The following SAMD5 variants were observed in gnomAD, a reference collection of about 807,000 sequenced individuals.
SAMD5 encodes sterile alpha motif domain-containing protein 5.
In SAMD5, 13 loss-of-function variants were observed where a neutral mutation model predicts 11.3. That is an observed-to-expected ratio of 1.15 (90% CI 0.75 to 1.83). The LOEUF is 1.83. Ranked by LOEUF, SAMD5 falls within the 40% of genes most tolerant of loss-of-function variation. The pLI is 0.00. For synonymous variants in SAMD5, 129 were observed against 111.3 expected, an observed-to-expected ratio of 1.16 and a Z score of -1.00; for missense variants, 255 against 239.1, an observed-to-expected ratio of 1.07 and a Z score of -0.44.
chr6:147,662,591 G>A (rs1317121318), intron 1 of SAMD5, among the ~76,000 whole-genome samples: 2 of 152,190 alleles, frequency 1.3e-5, no homozygotes, highest in Admixed American at 6.5e-5. Context: ...TGGAAATATC[G>A]ATAGCCTTCA....
chr6:147,557,127 G>T (rs1788869717), intron 1 of SAMD5, among the ~76,000 whole-genome samples: 2 of 152,100 alleles, frequency 1.3e-5, no homozygotes, highest in Middle Eastern at 3.4e-3. Context: ...TTTAAAGTTT[G>T]CATCATTTAT....
the SAMD5 span, among the ~76,000 whole-genome samples, chr6:147,912,206 A>G: frequency 1.1e-4 from 16 of 152,188 alleles, no homozygotes; most frequent in Non-Finnish European, 1.3e-4. Flanking sequence ...ACAAGAAACT[A>G]AAAACTTCTT....
the SAMD5 span, among the ~76,000 whole-genome samples, chr6:147,879,455 C>T: frequency 6.6e-6 from 1 of 152,154 alleles, no homozygotes; most frequent in Non-Finnish European, 1.5e-5. Flanking sequence ...CTGGACCTGC[C>T]AGGCTGCATT....
the SAMD5 span, among the ~76,000 whole-genome samples, chr6:147,776,898 A>G: frequency 1.3e-5 from 2 of 152,186 alleles, no homozygotes; most frequent in African/African-American, 4.8e-5. Context: ...GCTTAAGTAA[A>G]CAATAAATAA....
chr6:147,919,171 A>G, the SAMD5 span, among the ~76,000 whole-genome samples: 883 of 152,228 alleles, frequency 5.8e-3, 13 homozygotes, highest in South Asian at 0.014. Context: ...GGTCAAGGAG[A>G]TGGTTGAAAA....
the SAMD5 span, among the ~76,000 whole-genome samples, chr6:147,904,685 G>A: frequency 2.3e-4 from 35 of 152,268 alleles, no homozygotes; most frequent in South Asian, 1.5e-3. Context: ...GCCCCTGCAA[G>A]CTAAGCTAAG....
At chr6:147,773,622 G>C in the SAMD5 span, among the ~76,000 whole-genome samples, 2 of 152,196 alleles carry the variant, frequency 1.3e-5, no homozygotes, top group Non-Finnish European at 2.9e-5. Flanking sequence ...GCAGAGCAGA[G>C]AGACAGAAAG....
chr6:147,667,068 C>G (rs138670379), intron 1 of SAMD5, among the ~76,000 whole-genome samples: 591 of 152,252 alleles, frequency 3.9e-3, no homozygotes, highest in Non-Finnish European at 6.3e-3. Context: ...TTGCCCTGCT[C>G]TCCATGAGCT....
At chr6:147,735,623 A>T (rs1324474803) in intron 1 of SAMD5, among the ~76,000 whole-genome samples, 1 of 151,956 alleles carries the variant, frequency 6.6e-6, no homozygotes, top group Non-Finnish European at 1.5e-5. Flanking sequence ...TGAAGTTTTT[A>T]AAGTTTCAGA....
chr6:147,903,449 A>G, the SAMD5 span, among the ~76,000 whole-genome samples: 17 of 152,178 alleles, frequency 1.1e-4, no homozygotes, highest in African/African-American at 3.6e-4. Context: ...GCACCTGTTC[A>G]GTGCAGATTC....
intron 1 of SAMD5, among the ~76,000 whole-genome samples, chr6:147,712,527 T>G (rs932369991): frequency 6.6e-6 from 1 of 152,192 alleles, no homozygotes; most frequent in Non-Finnish European, 1.5e-5. Context: ...TTCCCTAAAT[T>G]CATGTGTTGA....
the SAMD5 span, among the ~76,000 whole-genome samples, chr6:147,805,739 T>G: frequency 2.6e-5 from 4 of 152,098 alleles, no homozygotes; most frequent in Non-Finnish European, 4.4e-5. Flanking sequence ...GGAAGAGTAT[T>G]GGCTGAGATC....
At chr6:147,608,573 G>T (rs967578939) in intron 1 of SAMD5, among the ~76,000 whole-genome samples, 1 of 152,132 alleles carries the variant, frequency 6.6e-6, no homozygotes, top group Admixed American at 6.6e-5. Flanking sequence ...TCACTTATTT[G>T]TGGGATCTAA....
rs1200915302 is a variant in SAMD5, at chr6:147,566,181, A to G, written c.*1725A>G. 1 of 977,844 alleles carries G rather than the reference A, an allele frequency of 1.0e-6. No individual in the cohort carries two copies. The highest frequency in any genetic ancestry group is 1.2e-6 in the Non-Finnish European group (1 of 823,192). 60.6% of individuals were successfully genotyped at this position (977,844 alleles called of 1,614,324 possible). A position where few individuals can be genotyped will look rare whatever the true frequency, so the allele number is the denominator to read the frequency against. On this transcript the variant is annotated 3_prime_UTR_variant, in exon 2 of 2. Coordinates refer to ENST00000367474, the MANE Select transcript of SAMD5 (RefSeq NM_001030060.3). Reference sequence around the variant, plus strand: ...ACTGACTAAAATCAGTCTCATTATCATATACAAATGTAAGGAAGTTAAATT... The same window carrying G: ...ACTGACTAAAATCAGTCTCATTATCGTATACAAATGTAAGGAAGTTAAATT...
intron 1 of SAMD5, among the ~76,000 whole-genome samples, chr6:147,528,227 C>T (rs9399605): frequency 6.6e-6 from 1 of 152,002 alleles, no homozygotes; most frequent in Admixed American, 6.6e-5. Flanking sequence ...GGATTTAACT[C>T]CTGACTGTAT....
At chr6:147,527,795 T>A (rs1406909606) in intron 1 of SAMD5, among the ~76,000 whole-genome samples, 3 of 151,120 alleles carry the variant, frequency 2.0e-5, no homozygotes, top group African/African-American at 7.4e-5. Flanking sequence ...GTGTTTTTAA[T>A]AAAGAAAGGT....
chr6:147,812,180 A>C, the SAMD5 span, among the ~76,000 whole-genome samples: 1 of 152,236 alleles, frequency 6.6e-6, no homozygotes, highest in African/African-American at 2.4e-5. Flanking sequence ...GGACTTGACA[A>C]TCAGAGTATT....
At chr6:147,902,081 A>G in the SAMD5 span, among the ~76,000 whole-genome samples, 1 of 152,132 alleles carries the variant, frequency 6.6e-6, no homozygotes, top group Non-Finnish European at 1.5e-5. Flanking sequence ...CTGATATTAC[A>G]TTGCTTTTGT....
the SAMD5 span, among the ~76,000 whole-genome samples, chr6:147,815,540 T>C: frequency 1.3e-5 from 2 of 152,188 alleles, no homozygotes; most frequent in African/African-American, 4.8e-5. Flanking sequence ...ATGGAAGTGA[T>C]TCCTGAGGCA....
Sources: gnomAD v4.1 joint callset for allele counts (sites outside exome capture counted in the v4.1 genomes callset) on GRCh38, gnomAD v4.1.1 for gene constraint, MANE v1.5 for transcripts, NCBI Gene and HGNC (gene_info 2026-07-23, HGNC 2026-07-21) for gene names.